Variants in TRIL observed in about 807,000 individuals in gnomAD.
TRIL encodes TLR4 interactor with leucine rich repeats.
Under a neutral mutation model 43.0 loss-of-function variants are expected in TRIL, and 23 were observed. That is an observed-to-expected ratio of 0.54 (90% CI 0.39 to 0.76). TRIL has a LOEUF of 0.76. TRIL is among the 30% of genes least tolerant of loss of function. The probability of loss-of-function intolerance (pLI) is 0.00; values close to 1 mark genes in which losing one functional copy is unlikely to be tolerated. For missense variants in TRIL, 1,114 were observed against 1,139.3 expected (o/e 0.98, Z 0.32); for synonymous variants, 602 against 556.8 (o/e 1.08, Z -1.14).
Position 28,956,004 on chromosome 7 carries a change from C to T in TRIL, c.2043G>A (p.Leu681=). ...GGCTCCCGGCCTCCGGTAGGGTGAC[C>T]AGCCCCGCGCAGTGGTCCCGGGGAG... The part of the protein sequence containing the change: ...PVAPRDHCAG[L]VTLPEAGSRG... Residue 681 remains leucine (L), a synonymous_variant, in exon 1 of 1, where the codon CTG becomes CTA. Transcript: ENST00000539664. 6.4e-7 allele frequency: 1 copy of T among 1,550,798 alleles called. No homozygotes were observed. The highest frequency in any genetic ancestry group is 1.2e-5 in the South Asian group (1 of 84,560).
Position 28,955,503 on chromosome 7 carries a change from G to A in TRIL, c.*108C>T, listed in dbSNP as rs1050411175. Reference sequence around the variant, plus strand: ...CCGAATTGGCCCTCTGTCCCCACCGGCCTCTCTGGCAAGTGCACAAAACGG... The same window carrying A: ...CCGAATTGGCCCTCTGTCCCCACCGACCTCTCTGGCAAGTGCACAAAACGG... On this transcript the variant is annotated 3_prime_UTR_variant, in exon 1 of 1. Transcript: ENST00000539664. 1.2e-5 allele frequency: 17 copies of A among 1,406,996 alleles called. No homozygotes were observed. The highest frequency in any genetic ancestry group is 1.5e-5 in the Non-Finnish European group (16 of 1,074,516). The allele number at this position is 1,406,996 out of a possible 1,614,324, so 87.2% of individuals were successfully genotyped here.
Position 28,956,489 on chromosome 7 carries a change from G to T in TRIL, c.1558C>A (p.Pro520Thr), listed in dbSNP as rs2128114330. The change falls in exon 1 of 1, where the codon CCG (proline) becomes ACG (threonine). Residue 520 changes from proline (P) to threonine (T), a missense_variant. Physicochemically the swap from Pro to Thr is conservative, Grantham distance 38. Transcript: ENST00000539664. ...GCGAGGGCGGGATCTGCCCGAGTCG[G>T]ACGGCCCCGCTGGGGCTTCTTGTGC... is the stretch of plus-strand genomic sequence containing the variant. ...DLHKKPQRGR[P>T]TRADPALAEP... 1 of 1,569,356 alleles carries T rather than the reference G, an allele frequency of 6.4e-7. No individual in the cohort carries two copies.
Position 28,955,881 on chromosome 7 carries a change from C to A in TRIL, c.2166G>T (p.Leu722=). Residue 722 remains leucine (L), a synonymous_variant, in exon 1 of 1, where the codon CTG becomes CTT. Coordinates refer to ENST00000539664, the MANE Select transcript of TRIL (RefSeq NM_014817.4). ...LALAAWASRW[L]RRKLRARRKG... ...TCCGCCTAGCCCGCAGTTTCCTACG[C>A]AGCCAGCGAGACGCCCAGGCCGCCA... The A allele has an allele frequency of 6.5e-7, 1 of 1,550,332 alleles. No individual in the cohort carries two copies. Among genetic ancestry groups the A allele is most frequent in the Non-Finnish European group, 8.7e-7 (1 of 1,147,442 alleles).
Position 28,957,979 on chromosome 7 carries a change from G to A in TRIL, c.68C>T (p.Ala23Val), listed in dbSNP as rs775543492. ...VCGCLALPPL[A>V]EPVCPERCDC... ...GCAGCGCTCCGGGCACACGGGCTCGGCCAGCGGCGGGAGCGCGAGGCAGCC... is the reference window on the plus strand; with the variant it reads ...GCAGCGCTCCGGGCACACGGGCTCGACCAGCGGCGGGAGCGCGAGGCAGCC... Residue 23 changes from alanine (A) to valine (V), a missense_variant, in exon 1 of 1, where the codon GCC (alanine) becomes GTC (valine). Transcript: ENST00000539664. 1.2e-6 allele frequency: 2 copies of A among 1,602,602 alleles called. No homozygotes were observed. The highest frequency in any genetic ancestry group is 1.7e-4 in the Middle Eastern group (1 of 5,972).
At position 28,956,154 on chromosome 7, in the gene TRIL, G is replaced by T; in HGVS notation, c.1893C>A (p.Pro631=). 1 of 1,573,872 alleles carries T rather than the reference G, an allele frequency of 6.4e-7. No individual in the cohort carries two copies. Among genetic ancestry groups the T allele is most frequent in the Non-Finnish European group, 8.6e-7 (1 of 1,161,458 alleles). ...RLLFDRFGQQ[P]KFHRFVYLPE... Reference sequence around the variant, plus strand: ...GCAGGTAGACGAAGCGGTGGAACTTGGGCTGCTGGCCAAAGCGGTCAAAGA... The same window carrying T: ...GCAGGTAGACGAAGCGGTGGAACTTTGGCTGCTGGCCAAAGCGGTCAAAGA... The change falls in exon 1 of 1, where the codon CCC becomes CCA. Residue 631 remains proline (P), a synonymous_variant. Coordinates refer to ENST00000539664, the MANE Select transcript of TRIL (RefSeq NM_014817.4).
Position 28,955,919 on chromosome 7 carries a change from C to G in TRIL, c.2128G>C (p.Val710Leu), listed in dbSNP as rs1405544939. The G allele has an allele frequency of 6.4e-6, 10 of 1,552,868 alleles. No individual in the cohort carries two copies. The highest frequency in any genetic ancestry group is 8.7e-6 in the Non-Finnish European group (10 of 1,150,248). The change falls in exon 1 of 1, where the codon GTG (valine) becomes CTG (leucine). Residue 710 changes from valine (V) to leucine (L), a missense_variant. By Grantham distance (32) the Val-to-Leu change is conservative (BLOSUM62 1). Transcript: ENST00000539664. ...GCCCAGGCCGCCAAGGCCAGGAGCA[C>G]CAGCAGCGCGTTGACCGTCAGCAGG... Reference protein sequence around the residue: ...LALLTVNALLVLLALAAWASR... With the variant: ...LALLTVNALLLLLALAAWASR...
At position 28,955,295 on chromosome 7, in the gene TRIL, T is replaced by G; in HGVS notation, c.*316A>C. On this transcript the variant is annotated 3_prime_UTR_variant, in exon 1 of 1. Transcript: ENST00000539664. ...CATGTTGGGGGCACAAGCACCCCCT[T>G]TCTACCCCCAAAGCCTGGCTTCTGC... 2 of 366,910 alleles carry G rather than the reference T, an allele frequency of 5.5e-6. No homozygotes were observed. Among genetic ancestry groups the G allele is most frequent in the Middle Eastern group, 7.1e-4 (1 of 1,400 alleles). 22.7% of individuals were successfully genotyped at this position (366,910 alleles called of 1,614,324 possible). A position where few individuals can be genotyped will look rare whatever the true frequency, so the allele number is the denominator to read the frequency against.
rs771783838 is a variant in TRIL, at chr7:28,956,540, C to A, written c.1507G>T (p.Gly503Cys). The A allele has an allele frequency of 5.1e-6, 8 of 1,556,512 alleles. No individual in the cohort carries two copies. In the South Asian group the frequency reaches 9.4e-5, roughly 18 times the overall value. The part of the protein sequence containing the change: ...QPSPSVAAAA[G>C]PAPQSLDLHK... ...AGGTCTAGGGACTGTGGAGCCGGGC[C>A]CGCGGCGGCAGCGACGGAGGGGCTG... Residue 503 changes from glycine (G) to cysteine (C), a missense_variant, in exon 1 of 1, where the codon GGC (glycine) becomes TGC (cysteine). Gly to Cys is a radical substitution (Grantham distance 159). Transcript: ENST00000539664.
At position 28,955,668 on chromosome 7, in the gene TRIL, G is replaced by T; in HGVS notation, c.2379C>A (p.Gly793=). 1 of 1,547,944 alleles carries T rather than the reference G, an allele frequency of 6.5e-7. No homozygotes were observed. Among genetic ancestry groups the T allele is most frequent in the Non-Finnish European group, 8.7e-7 (1 of 1,146,582 alleles). The part of the protein sequence containing the change: ...PCDRFMDSAG[G]GAGGSLRRED... ...CCCGTCTCAGGCTGCCGCCCGCGCC[G>T]CCGCCCGCACTGTCCATGAAGCGGT... Residue 793 remains glycine (G), a synonymous_variant, in exon 1 of 1, where the codon GGC becomes GGA. Coordinates refer to ENST00000539664, the MANE Select transcript of TRIL (RefSeq NM_014817.4).
rs1362464747 is a variant in TRIL at position 28,957,958 on chromosome 7, C to T, written c.89G>A (p.Arg30His). 17 of 1,606,068 alleles carry T rather than the reference C, an allele frequency of 1.1e-5. No homozygotes were observed. The highest frequency in any genetic ancestry group is 3.3e-4 in the Middle Eastern group (2 of 6,044). Residue 30 changes from arginine to histidine, a missense_variant, in exon 1 of 1, where the codon CGC becomes CAC. Coordinates refer to ENST00000539664, the MANE Select transcript of TRIL (RefSeq NM_014817.4). The part of the protein sequence containing the change: ...PPLAEPVCPE[R>H]CDCQHPQHLL... ...ATGCTGGGGATGCTGGCAGTCGCAG[C>T]GCTCCGGGCACACGGGCTCGGCCAG...
rs1014837753 is a variant in TRIL, at chr7:28,958,126, T to G, written c.-80A>C. 3.5e-6 allele frequency: 5 copies of G among 1,429,936 alleles called. No individual in the cohort carries two copies. The African/African-American group carries it at 7.5e-5, about 21-fold the overall frequency. The allele number at this position is 1,429,936 out of a possible 1,614,324, so 88.6% of individuals were successfully genotyped here. On this transcript the variant is annotated 5_prime_UTR_variant, in exon 1 of 1. Coordinates refer to ENST00000539664, the MANE Select transcript of TRIL (RefSeq NM_014817.4). Reference sequence around the variant, plus strand: ...TGTCTCCTCTGCATTCCCCTTAGCCTGGCCAGAGTCGCTAAATGGCCTCTT... The same window carrying G: ...TGTCTCCTCTGCATTCCCCTTAGCCGGGCCAGAGTCGCTAAATGGCCTCTT...
chr7:28,957,752 G>T lies in TRIL; in HGVS notation c.295C>A (p.His99Asn). The change falls in exon 1 of 1, where the codon CAC (histidine) becomes AAC (asparagine). Residue 99 changes from histidine to asparagine, a missense_variant. Physicochemically the swap from His to Asn is moderately conservative, Grantham distance 68 (BLOSUM62 1). Coordinates refer to ENST00000539664, the MANE Select transcript of TRIL (RefSeq NM_014817.4). Reference protein sequence around the residue: ...DLQYNQIRSLHPKTFEKLSRL... With the variant: ...DLQYNQIRSLNPKTFEKLSRL... ...GAGAGCTTCTCGAAGGTCTTGGGGTGCAGAGAGCGGATCTGGTTGTACTGC... is the reference window on the plus strand; with the variant it reads ...GAGAGCTTCTCGAAGGTCTTGGGGTTCAGAGAGCGGATCTGGTTGTACTGC... The T allele has an allele frequency of 6.2e-7, 1 of 1,613,866 alleles. No individual in the cohort carries two copies.
At position 28,956,112 on chromosome 7, in the gene TRIL, C is replaced by G; in HGVS notation, c.1935G>C (p.Ser645=). ...RFVYLPESSD[S]ATLRELRGDT... is the part of the protein sequence containing the mutation. ...CCCCGCGCAGCTCGCGCAGCGTGGCCGAGTCGCTGCTCTCAGGCAGGTAGA... is the reference window on the plus strand; with the variant it reads ...CCCCGCGCAGCTCGCGCAGCGTGGCGGAGTCGCTGCTCTCAGGCAGGTAGA... The change falls in exon 1 of 1, where the codon TCG becomes TCC. Residue 645 remains serine, a synonymous_variant. Transcript: ENST00000539664. The G allele has an allele frequency of 6.4e-7, 1 of 1,559,600 alleles. No individual in the cohort carries two copies. Among genetic ancestry groups the G allele is most frequent in the Non-Finnish European group, 8.7e-7 (1 of 1,154,050 alleles).
chr7:28,956,214 ACT>A lies in TRIL; in HGVS notation c.1831_1832del (p.Arg613AlafsTer12). On this transcript the variant is annotated frameshift_variant, in exon 1 of 1. Transcript: ENST00000539664. LOFTEE classifies it high-confidence loss of function. ...SVRWAVREHR[S>X]PRPLGGARFR... ...AGCGCGCGCCGCCCAGCGGCCGGGG[ACT>A]GCGGTGCTCGCGCACGGCCCAGCGC... is the stretch of plus-strand genomic sequence containing the variant. 6.4e-7 allele frequency: 1 copy of A among 1,560,332 alleles called. No individual in the cohort carries two copies. Among genetic ancestry groups the A allele is most frequent in the Non-Finnish European group, 8.7e-7 (1 of 1,154,940 alleles).
Position 28,955,539 on chromosome 7 carries a change from G to A in TRIL, c.*72C>T. ...AAGTGCACAAAACGGCACTTCCCCT[G>A]AGGTGGGCTGGTGGGCCTCACGGAG... On this transcript the variant is annotated 3_prime_UTR_variant, in exon 1 of 1. Transcript: ENST00000539664. The A allele has an allele frequency of 6.9e-7, 1 of 1,442,724 alleles. No individual in the cohort carries two copies. The highest frequency in any genetic ancestry group is 1.5e-5 in the South Asian group (1 of 68,770). 89.4% of individuals were successfully genotyped at this position (1,442,724 alleles called of 1,614,324 possible). A position where few individuals can be genotyped will look rare whatever the true frequency, so the allele number is the denominator to read the frequency against.
rs1449119798 is a variant in TRIL, at chr7:28,954,142, A to G, written c.*1469T>C. 6.6e-6 allele frequency: 1 copy of G among 152,552 alleles called. No individual in the cohort carries two copies. The highest frequency in any genetic ancestry group is 2.4e-5 in the African/African-American group (1 of 41,462). The allele number at this position is 152,552 out of a possible 1,614,324, so 9.4% of individuals were successfully genotyped here. On this transcript the variant is annotated 3_prime_UTR_variant, in exon 1 of 1. Transcript: ENST00000539664. ...TAGTGACTGCATTTTTAGACCACACATAAAATTATTAATGTAAACCAAACC... is the reference window on the plus strand; with the variant it reads ...TAGTGACTGCATTTTTAGACCACACGTAAAATTATTAATGTAAACCAAACC...
chr7:28,956,828 G>C lies in TRIL; in HGVS notation c.1219C>G (p.Gln407Glu). The change falls in exon 1 of 1, where the codon CAG becomes GAG. Residue 407 changes from glutamine (Q) to glutamate (E), a missense_variant. Physicochemically the swap from Gln to Glu is conservative, Grantham distance 29. Coordinates refer to ENST00000539664, the MANE Select transcript of TRIL (RefSeq NM_014817.4). ...GCGCAGGATCCATTTTGCAGCTGCT[G>C]GTCATCCAGGTAATCCAGGTATTTG... ...RGKYLDYLDD[Q>E]QLQNGSCADP... 2.5e-6 allele frequency: 4 copies of C among 1,610,456 alleles called. No individual in the cohort carries two copies. The highest frequency in any genetic ancestry group is 3.4e-6 in the Non-Finnish European group (4 of 1,178,226).
At position 28,954,544 on chromosome 7, in the gene TRIL, C is replaced by T. The variant is rs1331626340; in HGVS notation, c.*1067G>A. 1 of 152,618 alleles carries T rather than the reference C, an allele frequency of 6.6e-6. No homozygotes were observed. The allele number at this position is 152,618 out of a possible 1,614,324, so 9.5% of individuals were successfully genotyped here. ...CATTAAACTATCAATTGACAATCAC[C>T]TTTTGCTTCCCTATTAGGAAATAAC... On this transcript the variant is annotated 3_prime_UTR_variant, in exon 1 of 1. Coordinates refer to ENST00000539664, the MANE Select transcript of TRIL (RefSeq NM_014817.4).
chr7:28,957,110 G>T lies in TRIL; in HGVS notation c.937C>A (p.Leu313Met). 10 of 1,574,146 alleles carry T rather than the reference G, an allele frequency of 6.4e-6. No homozygotes were observed. Among genetic ancestry groups the T allele is most frequent in the Non-Finnish European group, 8.6e-6 (10 of 1,163,096 alleles). The part of the protein sequence containing the change: ...LEALDLSGNE[L>M]SALHPATFGH... ...AAGGTGGCCGGGTGCAGGGCGGACA[G>T]CTCATTGCCGCTCAGGTCCAGCGCC... Residue 313 changes from leucine (L) to methionine (M), a missense_variant, in exon 1 of 1, where the codon CTG becomes ATG. Transcript: ENST00000539664.
Sources: gnomAD v4.1 joint callset for allele counts on GRCh38, gnomAD v4.1.1 for gene constraint, MANE v1.5 for transcripts, NCBI Gene and HGNC (gene_info 2026-07-23, HGNC 2026-07-21) for gene names.